ENOX1: variants seen among roughly 807,000 people sequenced by gnomAD.
ENOX1 encodes the protein ecto-NOX disulfide-thiol exchanger 1.
ENOX1 carries 42 observed loss-of-function variants against 82.5 expected under a neutral mutation model. The observed-to-expected ratio is 0.51, with a 90% CI of 0.40 to 0.66. ENOX1 has a LOEUF of 0.66. ENOX1 is among the 30% of genes least tolerant of loss of function. ENOX1 has a pLI of 0.00. For synonymous variants in ENOX1, 271 were observed against 282.2 expected (o/e 0.96, Z 0.40); for missense variants, 608 against 811.6 (o/e 0.75, Z 3.05).
chr13:43,218,072 G>A lies in ENOX1; in HGVS notation c.1801-3951C>T, dbSNP rs192036466. On this transcript the variant is annotated intron_variant, in intron 16 of 16. Coordinates refer to ENST00000690772, the MANE Select transcript of ENOX1 (RefSeq NM_001347969.2). The stretch of plus-strand genomic sequence containing the variant: ...ACTTAGGCACAGAGATGTTAAATAA[G>A]CTGTCCAAGGTCAAACAGCTAAGAA... Among the ~76,000 whole-genome samples, 9 of 152,276 alleles carry A rather than the reference G, an allele frequency of 5.9e-5. No homozygotes were observed. In the East Asian group the frequency reaches 1.7e-3, roughly 29 times the overall value.
chr13:43,725,312 T>C (rs1005859847), intron 1 of ENOX1, among the ~76,000 whole-genome samples: 15 of 152,254 alleles, frequency 9.9e-5, no homozygotes, highest in South Asian at 2.1e-4. Context: ...ACAAAAGACC[T>C]TGGTTCCCTG....
At chr13:43,587,326 T>C (rs1284975578) in intron 2 of ENOX1, among the ~76,000 whole-genome samples, 13 of 152,234 alleles carry the variant, frequency 8.5e-5, no homozygotes, top group Admixed American at 8.5e-4. Context: ...TACTTTTCTC[T>C]GGCCCATCTC....
chr13:43,369,277 T>C (rs1260362206), intron 5 of ENOX1, among the ~76,000 whole-genome samples: 3 of 152,160 alleles, frequency 2.0e-5, no homozygotes, highest in Non-Finnish European at 4.4e-5. Context: ...ATCCACCTTT[T>C]CTGACATCTA....
chr13:43,721,809 G>A (rs942858544), intron 1 of ENOX1, among the ~76,000 whole-genome samples: 1 of 152,132 alleles, frequency 6.6e-6, no homozygotes, highest in African/African-American at 2.4e-5. Context: ...GGAGCACAGG[G>A]ACTCTGCTTC....
chr13:43,264,744 T>C (rs1318028024), intron 14 of ENOX1, among the ~76,000 whole-genome samples: 1 of 152,178 alleles, frequency 6.6e-6, no homozygotes, highest in African/African-American at 2.4e-5. Context: ...GGAGAGGCAA[T>C]GATCTACAGG....
chr13:43,677,059 G>C (rs910047749), intron 1 of ENOX1, among the ~76,000 whole-genome samples: 2 of 150,764 alleles, frequency 1.3e-5, no homozygotes, highest in Non-Finnish European at 1.5e-5. Context: ...TTATCTCTCT[G>C]TCCAATCTGC....
intron 5 of ENOX1, among the ~76,000 whole-genome samples, chr13:43,394,141 T>A (rs879497217): frequency 9.2e-5 from 14 of 152,226 alleles, no homozygotes; most frequent in Non-Finnish European, 1.9e-4. Context: ...AACTGCCTAG[T>A]CTCAGGGATT....
At chr13:43,763,309 C>T (rs1262661857) in intron 1 of ENOX1, among the ~76,000 whole-genome samples, 1 of 152,140 alleles carries the variant, frequency 6.6e-6, no homozygotes, top group Non-Finnish European at 1.5e-5. Context: ...CACACCGTGG[C>T]TCATAGATGG....
intron 5 of ENOX1, among the ~76,000 whole-genome samples, chr13:43,411,197 G>GTT (rs201357706): frequency 6.6e-6 from 1 of 151,810 alleles, no homozygotes; most frequent in Non-Finnish European, 1.5e-5. Flanking sequence ...GTTTTGTTTT[G>GTT]TTTTTTTCAA....
At chr13:43,470,344 A>ATATATATG (rs1566306881) in intron 3 of ENOX1, among the ~76,000 whole-genome samples, 645 of 11,490 alleles carry the variant, frequency 0.056, 51 homozygotes, top group African/African-American at 0.11. Flanking sequence ...ATATATACGT[A>ATATATATG]TATATATATG....
intron 1 of ENOX1, among the ~76,000 whole-genome samples, chr13:43,688,241 G>A (rs138406700): frequency 6.6e-6 from 1 of 152,206 alleles, no homozygotes; most frequent in African/African-American, 2.4e-5. Flanking sequence ...TTTCCTTTTA[G>A]CAAGATTACT....
intron 2 of ENOX1, among the ~76,000 whole-genome samples, chr13:43,625,934 CAT>C (rs2082943715): frequency 6.6e-6 from 1 of 151,838 alleles, no homozygotes; most frequent in Non-Finnish European, 1.5e-5. Context: ...ATTCTTCAAA[CAT>C]GTGATAGAAT....
intron 5 of ENOX1, among the ~76,000 whole-genome samples, chr13:43,392,048 T>C (rs1223289817): frequency 6.6e-6 from 1 of 152,186 alleles, no homozygotes; most frequent in Non-Finnish European, 1.5e-5. Flanking sequence ...GGGGTCCTCT[T>C]CTATGCTCTT....
intron 8 of ENOX1, among the ~76,000 whole-genome samples, chr13:43,346,084 G>T (rs1047052966): frequency 6.6e-6 from 1 of 152,094 alleles, no homozygotes; most frequent in East Asian, 1.9e-4. Context: ...CACATCATAC[G>T]AAACCTTCCC....
intron 2 of ENOX1, among the ~76,000 whole-genome samples, chr13:43,502,303 G>A (rs1217473036): frequency 6.6e-6 from 1 of 151,496 alleles, no homozygotes. Context: ...TTTAAAGAAT[G>A]AATGCCAATA....
chr13:43,537,662 C>G (rs1004684815), intron 2 of ENOX1, among the ~76,000 whole-genome samples: 2 of 152,178 alleles, frequency 1.3e-5, no homozygotes, highest in Non-Finnish European at 2.9e-5. Flanking sequence ...AATAAGCTCT[C>G]AAGTGAAATT....
intron 11 of ENOX1, among the ~76,000 whole-genome samples, chr13:43,307,567 C>T (rs773183198): frequency 2.6e-5 from 4 of 152,192 alleles, no homozygotes; most frequent in Non-Finnish European, 5.9e-5. Context: ...TTTCTTTCAG[C>T]CTTTTCCAAC....
intron 2 of ENOX1, among the ~76,000 whole-genome samples, chr13:43,584,830 C>T (rs1158855777): frequency 1.3e-5 from 2 of 152,110 alleles, no homozygotes; most frequent in East Asian, 1.9e-4. Context: ...AGCTTTAAGA[C>T]CAGCCTGACT....
intron 2 of ENOX1, among the ~76,000 whole-genome samples, chr13:43,568,251 CT>C (rs2080004363): frequency 6.6e-6 from 1 of 152,088 alleles, no homozygotes; most frequent in African/African-American, 2.4e-5. Flanking sequence ...ATCCAGAAAA[CT>C]TTTTTCCCCT....
Sources: allele counts gnomAD v4.1 joint callset (sites outside exome capture counted in the v4.1 genomes callset), GRCh38; gene constraint gnomAD v4.1.1; transcripts MANE v1.5; gene names NCBI Gene and HGNC (gene_info 2026-07-23, HGNC 2026-07-21).